Variants in PAPPA observed in about 807,000 individuals in gnomAD.
PAPPA encodes pappalysin 1.
A neutral mutation model predicts 164.0 loss-of-function variants in PAPPA; 60 were observed. The observed-to-expected ratio is 0.37, with a 90% CI of 0.30 to 0.45. PAPPA has a LOEUF of 0.45. PAPPA is among the 20% of genes least tolerant of loss of function. PAPPA has a pLI of 1.00. For synonymous variants in PAPPA, 875 were observed against 814.1 expected, an observed-to-expected ratio of 1.07 and a Z score of -1.27; for missense variants, 1,782 against 2,087.3, an observed-to-expected ratio of 0.85 and a Z score of 2.85.
At chr9:116,364,461 T>C (rs1846472742) in intron 18 of PAPPA, among the ~76,000 whole-genome samples, 1 of 152,074 alleles carries the variant, frequency 6.6e-6, no homozygotes, top group Admixed American at 6.5e-5. Flanking sequence ...TATAGTAAGC[T>C]CATGCCTAAC....
chr9:116,217,796 T>C (rs1021873500), intron 4 of PAPPA, among the ~76,000 whole-genome samples: 1 of 152,142 alleles, frequency 6.6e-6, no homozygotes, highest in East Asian at 1.9e-4. Flanking sequence ...CTGTCTTCAC[T>C]TCACAGATGG....
intron 19 of PAPPA, among the ~76,000 whole-genome samples, chr9:116,372,303 T>A (rs1471707623): frequency 6.6e-6 from 1 of 152,214 alleles, no homozygotes. Context: ...TGCAGCAATG[T>A]GGAAATGTGG....
chr9:116,336,612 G>T (rs987300945), intron 13 of PAPPA, among the ~76,000 whole-genome samples: 1 of 152,152 alleles, frequency 6.6e-6, no homozygotes, highest in Non-Finnish European at 1.5e-5. Context: ...TTGAATTCTC[G>T]ACGAATGGTG....
rs528154003 is a variant in PAPPA, at chr9:116,173,414, G to A, written c.416-13740G>A. 3.9e-5 allele frequency among the ~76,000 whole-genome samples: 6 copies of A among 152,236 alleles called. No individual in the cohort carries two copies. The East Asian group carries it at 1.2e-3, about 29-fold the overall frequency. On this transcript the variant is annotated intron_variant, in intron 1 of 21. Coordinates refer to ENST00000328252, the MANE Select transcript of PAPPA (RefSeq NM_002581.5). ...TGAGACTTTAGTCCTGGCTCTGTTAGCTCTGTGACTGTCAAAAGGAAGACC... is the reference window on the plus strand; with the variant it reads ...TGAGACTTTAGTCCTGGCTCTGTTAACTCTGTGACTGTCAAAAGGAAGACC...
intron 1 of PAPPA, among the ~76,000 whole-genome samples, chr9:116,174,501 T>G (rs955090202): frequency 5.3e-5 from 8 of 152,148 alleles, no homozygotes; most frequent in Non-Finnish European, 1.2e-4. Flanking sequence ...CCCATTCCTC[T>G]TGGCTCCTTA....
chr9:116,392,606 T>C (rs954784506), intron 21 of PAPPA, among the ~76,000 whole-genome samples: 3 of 152,168 alleles, frequency 2.0e-5, no homozygotes, highest in African/African-American at 7.2e-5. Flanking sequence ...TACCTGAAAA[T>C]CTCCACCCTT....
rs1044168311 is a variant in PAPPA, at chr9:116,347,460, A to G, written c.3964+251A>G. On this transcript the variant is annotated intron_variant, in intron 15 of 21. Transcript: ENST00000328252. This position sits in a 1 kb window ranked among gnomAD's most constrained non-coding sequence, Gnocchi z 4.5. ...TTGGAAATCTTGCAAAAAAGAAAAG[A>G]AAGAGAGGATAAAAGTGAAGAAGGG... 6.0e-4 allele frequency among the ~76,000 whole-genome samples: 91 copies of G among 151,912 alleles called. 1 individual carries two copies. The highest frequency in any genetic ancestry group is 1.1e-3 in the Non-Finnish European group (74 of 67,788).
chr9:116,374,702 C>T (rs1188022378), intron 19 of PAPPA, among the ~76,000 whole-genome samples: 2 of 152,196 alleles, frequency 1.3e-5, no homozygotes, highest in African/African-American at 2.4e-5. Flanking sequence ...AAGGCATGGG[C>T]ATCGAATCCC....
At position 116,199,488 on chromosome 9, in the gene PAPPA, A is replaced by G. The variant is rs191536687; in HGVS notation, c.1479-7968A>G. 2.1e-3 allele frequency among the ~76,000 whole-genome samples: 326 copies of G among 152,246 alleles called. 2 individuals carry two copies. The highest frequency in any genetic ancestry group is 7.6e-3 in the African/African-American group (315 of 41,552). ...ATATACATTCCTATTGCTGTGAGAC[A>G]CTGCCAATGCCTCCTTCTCCACTTT... is the stretch of plus-strand genomic sequence containing the variant. On this transcript the variant is annotated intron_variant, in intron 2 of 21. Coordinates refer to ENST00000328252, the MANE Select transcript of PAPPA (RefSeq NM_002581.5).
chr9:116,223,000 T>G (rs552955877), intron 5 of PAPPA, among the ~76,000 whole-genome samples: 4 of 152,306 alleles, frequency 2.6e-5, no homozygotes, highest in African/African-American at 9.6e-5. Context: ...ATGTTAAAAA[T>G]TTTTGAAACC....
rs1261463282 is a variant in PAPPA at position 116,188,114 on chromosome 9, T to C, written c.1376T>C (p.Met459Thr). Residue 459 changes from methionine (M) to threonine (T), a missense_variant, in exon 2 of 22, where the codon ATG becomes ACG. Met to Thr is a moderately conservative substitution (Grantham distance 81). Around this residue, in one of 2 missense-constraint regions of PAPPA, gnomAD observed 1,324 missense variants for 1,656.9 expected, o/e 0.80. Transcript: ENST00000328252. Reference sequence around the variant, plus strand: ...AAGCAGCACAACGGGGTGTGTGACATGGACTGCAACTATGAACGGTTCAAC... The same window carrying C: ...AAGCAGCACAACGGGGTGTGTGACACGGACTGCAACTATGAACGGTTCAAC... ...VKKQHNGVCD[M>T]DCNYERFNFD... 6.2e-7 allele frequency: 1 copy of C among 1,614,104 alleles called. No individual in the cohort carries two copies. The highest frequency in any genetic ancestry group is 1.3e-5 in the African/African-American group (1 of 74,940).
At chr9:116,197,743 G>C (rs1169011870) in intron 2 of PAPPA, among the ~76,000 whole-genome samples, 1 of 152,210 alleles carries the variant, frequency 6.6e-6, no homozygotes, top group Non-Finnish European at 1.5e-5. Context: ...TACATCTACT[G>C]TACGGCCTGT....
chr9:116,298,743 G>A (rs187952759), intron 9 of PAPPA, among the ~76,000 whole-genome samples: 1 of 152,188 alleles, frequency 6.6e-6, no homozygotes, highest in African/African-American at 2.4e-5. Flanking sequence ...ATAAAAGTGT[G>A]TATGTGTGCA....
At chr9:116,225,761 T>G (rs1844498690) in intron 5 of PAPPA, among the ~76,000 whole-genome samples, 1 of 152,170 alleles carries the variant, frequency 6.6e-6, no homozygotes. Flanking sequence ...TTTGAAGGTC[T>G]GCACTAAGTT....
intron 1 of PAPPA, among the ~76,000 whole-genome samples, chr9:116,158,621 G>A (rs1167138572): frequency 6.6e-6 from 1 of 152,176 alleles, no homozygotes; most frequent in Non-Finnish European, 1.5e-5. Flanking sequence ...GTATGTAGTA[G>A]GTGCTCAACA....
rs1316879733 is a variant in PAPPA, at chr9:116,154,514, G to T, written c.342G>T (p.Leu114=). Residue 114 remains leucine (L), a synonymous_variant, in exon 1 of 22, where the codon CTG becomes CTT. Transcript: ENST00000328252. The surrounding 1 kb of genome is among the most constrained non-coding windows in gnomAD (Gnocchi z 5.2). The stretch of plus-strand genomic sequence containing the variant: ...TGCGCCTCCGGGCCGACCTCGAGCT[G>T]CCCCGGGACGCGTTCACGCTGCAAG... ...EQLRLRADLE[L]PRDAFTLQVW... 7.2e-7 allele frequency: 1 copy of T among 1,395,200 alleles called. No individual in the cohort carries two copies. The allele number at this position is 1,395,200 out of a possible 1,614,324, so 86.4% of individuals were successfully genotyped here. A position where few individuals can be genotyped will look rare whatever the true frequency, so the allele number is the denominator to read the frequency against.
intron 7 of PAPPA, among the ~76,000 whole-genome samples, chr9:116,239,912 T>A (rs1564195645): frequency 6.6e-6 from 1 of 152,172 alleles, no homozygotes; most frequent in Non-Finnish European, 1.5e-5. Context: ...ACCCTTGATG[T>A]CTTGGTGTCC....
intron 10 of PAPPA, among the ~76,000 whole-genome samples, chr9:116,305,260 T>A (rs942639259): frequency 2.6e-5 from 4 of 151,342 alleles, no homozygotes; most frequent in Non-Finnish European, 4.4e-5. Context: ...GGAGGAAGTA[T>A]AATTGTGCTC....
At chr9:116,368,203 C>G (rs1033212316) in intron 19 of PAPPA, among the ~76,000 whole-genome samples, 11 of 152,206 alleles carry the variant, frequency 7.2e-5, no homozygotes, top group Admixed American at 5.9e-4. Flanking sequence ...TTTCTGGTAT[C>G]CTTCTCCAAG....
Sources: allele counts gnomAD v4.1 joint callset (sites outside exome capture counted in the v4.1 genomes callset), GRCh38; gene constraint gnomAD v4.1.1; regional missense constraint gnomAD v4.1.1; non-coding constraint Gnocchi (gnomAD v3.1); transcripts MANE v1.5; gene names NCBI Gene and HGNC (gene_info 2026-07-23, HGNC 2026-07-21).